Variants in FAM53B observed in about 807,000 individuals in gnomAD.
The protein encoded by FAM53B is family with sequence similarity 53 member B.
A neutral mutation model predicts 32.7 loss-of-function variants in FAM53B; 12 were observed. The ratio of observed to expected loss-of-function variants is 0.37; its 90% CI spans 0.24 to 0.59. FAM53B has a LOEUF of 0.59. Among genes scored for constraint, FAM53B ranks in the 20% least tolerant of loss-of-function variants. The pLI is 0.72. For missense variants in FAM53B, 477 were observed against 577.7 expected (o/e 0.83, Z 1.79); for synonymous variants, 234 against 228.7 (o/e 1.02, Z -0.21).
At chr10:124,718,817 G>A (rs555889129) in intron 1 of FAM53B, among the ~76,000 whole-genome samples, 10 of 152,354 alleles carry the variant, frequency 6.6e-5, no homozygotes, top group South Asian at 2.1e-4. Flanking sequence ...GCAGGCTGAC[G>A]CAGGTGAAAT....
intron 3 of FAM53B, among the ~76,000 whole-genome samples, chr10:124,689,142 AG>A (rs2134073297): frequency 6.6e-6 from 1 of 152,322 alleles, no homozygotes; most frequent in Admixed American, 6.5e-5. Context: ...ACTTGGCCTC[AG>A]GGCCACAAAG....
chr10:124,634,534 C>CT, intron 4 of FAM53B, among the ~76,000 whole-genome samples: 1 of 152,190 alleles, frequency 6.6e-6, no homozygotes, highest in Non-Finnish European at 1.5e-5. Flanking sequence ...TTATAAGGGG[C>CT]TTTGTTCAGC....
chr10:124,736,986 G>A (rs1022596905), intron 1 of FAM53B, among the ~76,000 whole-genome samples: 6 of 152,214 alleles, frequency 3.9e-5, no homozygotes, highest in Non-Finnish European at 7.3e-5. Flanking sequence ...ACAGGGCTGA[G>A]GTCAGCTGGG....
At chr10:124,716,810 G>T (rs1197190368) in intron 1 of FAM53B, among the ~76,000 whole-genome samples, 1 of 151,996 alleles carries the variant, frequency 6.6e-6, no homozygotes, top group Non-Finnish European at 1.5e-5. Flanking sequence ...CACACTTACC[G>T]AGTGGCCACA....
intron 4 of FAM53B, among the ~76,000 whole-genome samples, chr10:124,652,128 A>C (rs1949560120): frequency 6.6e-6 from 1 of 152,088 alleles, no homozygotes; most frequent in Admixed American, 6.5e-5. Context: ...CCTCTCTTCC[A>C]CTTGGGTCCC....
At chr10:124,674,700 C>T (rs1473156265) in intron 4 of FAM53B, among the ~76,000 whole-genome samples, 1 of 152,260 alleles carries the variant, frequency 6.6e-6, no homozygotes, top group African/African-American at 2.4e-5. Flanking sequence ...ACCCACAAGC[C>T]TTTCTTACTC....
At chr10:124,665,682 G>A (rs553320129) in intron 4 of FAM53B, among the ~76,000 whole-genome samples, 2 of 152,308 alleles carry the variant, frequency 1.3e-5, no homozygotes, top group East Asian at 3.9e-4. Context: ...TGGTCACGTG[G>A]GCCGGTGATA....
chr10:124,644,601 GC>G, intron 4 of FAM53B, among the ~76,000 whole-genome samples: 1 of 152,258 alleles, frequency 6.6e-6, no homozygotes, highest in Non-Finnish European at 1.5e-5. Context: ...GGCAGGAACA[GC>G]TCAGAAATGT....
intron 3 of FAM53B, among the ~76,000 whole-genome samples, chr10:124,689,876 C>T (rs938009796): frequency 6.6e-6 from 1 of 152,266 alleles, no homozygotes; most frequent in Non-Finnish European, 1.5e-5. Flanking sequence ...AGACTAGGGT[C>T]TTGTGACAGC....
intron 4 of FAM53B, among the ~76,000 whole-genome samples, chr10:124,659,466 T>C (rs10901798): frequency 0.091 from 13,788 of 152,320 alleles, 905 homozygotes; most frequent in Non-Finnish European, 0.13. Flanking sequence ...AACACATTTC[T>C]GGGTCCCCAA....
At chr10:124,714,247 A>G (rs1950024509) in intron 1 of FAM53B, 2 of 152,118 alleles carry the variant, frequency 1.3e-5, no homozygotes, top group Non-Finnish European at 2.9e-5. Context: ...AAGCTGCCTA[A>G]GAACTTTATC....
intron 1 of FAM53B, among the ~76,000 whole-genome samples, chr10:124,734,192 G>T (rs1241349383): frequency 6.6e-6 from 1 of 152,206 alleles, no homozygotes; most frequent in Non-Finnish European, 1.5e-5. Flanking sequence ...CTAGCACATA[G>T]TAGAACCTCA....
chr10:124,669,028 C>A (rs1025276553), intron 4 of FAM53B, among the ~76,000 whole-genome samples: 2 of 152,212 alleles, frequency 1.3e-5, no homozygotes, highest in Non-Finnish European at 2.9e-5. Flanking sequence ...AGGCCCCTGG[C>A]CTGGGGAAAG....
chr10:124,654,005 C>G lies in FAM53B; in HGVS notation c.906+27602G>C, dbSNP rs147136570. ...ATCAGCACCCTTCCTGGGCTGAAGTCTGCCAGGTTGCTGAGGACGCAGGGA... is the reference window on the plus strand; with the variant it reads ...ATCAGCACCCTTCCTGGGCTGAAGTGTGCCAGGTTGCTGAGGACGCAGGGA... On this transcript the variant is annotated intron_variant, in intron 4 of 4. Coordinates refer to ENST00000337318, the MANE Select transcript of FAM53B (RefSeq NM_014661.4). Among the ~76,000 whole-genome samples, 1,023 of 152,336 alleles carry G rather than the reference C, an allele frequency of 6.7e-3. 12 individuals are homozygous for G. Among genetic ancestry groups the G allele is most frequent in the African/African-American group, 0.023 (957 of 41,578 alleles).
chr10:124,676,048 C>T lies in FAM53B; in HGVS notation c.906+5559G>A, dbSNP rs1949734595. On this transcript the variant is annotated intron_variant, in intron 4 of 4. Coordinates refer to ENST00000337318, the MANE Select transcript of FAM53B (RefSeq NM_014661.4). Reference sequence around the variant, plus strand: ...GAGCACGGAAGGAGGAGTGCTAGTTCAGCATCCAAAGCTGCCCCCTTGACA... The same window carrying T: ...GAGCACGGAAGGAGGAGTGCTAGTTTAGCATCCAAAGCTGCCCCCTTGACA... 2.0e-5 allele frequency among the ~76,000 whole-genome samples: 3 copies of T among 152,210 alleles called. No individual in the cohort carries two copies. The South Asian group carries it at 6.2e-4, about 31-fold the overall frequency.
At chr10:124,710,101 G>A (rs1040120894) in intron 1 of FAM53B, among the ~76,000 whole-genome samples, 9 of 152,236 alleles carry the variant, frequency 5.9e-5, no homozygotes, top group Non-Finnish European at 1.0e-4. Flanking sequence ...AACGGTGAGC[G>A]TGCTGGTGGC....
At chr10:124,698,141 C>A (rs1264349693) in intron 2 of FAM53B, among the ~76,000 whole-genome samples, 5 of 152,174 alleles carry the variant, frequency 3.3e-5, no homozygotes, top group Non-Finnish European at 7.4e-5. Flanking sequence ...CAGCTCCCAG[C>A]ACTAAGGGAA....
At chr10:124,725,547 GCT>G (rs1564888973) in intron 1 of FAM53B, among the ~76,000 whole-genome samples, 1 of 152,234 alleles carries the variant, frequency 6.6e-6, no homozygotes, top group South Asian at 2.1e-4. Flanking sequence ...GTCCATGACA[GCT>G]CTGTCAGCTC....
At chr10:124,702,729 T>C (rs1206717108) in intron 2 of FAM53B, among the ~76,000 whole-genome samples, 1 of 152,208 alleles carries the variant, frequency 6.6e-6, no homozygotes, top group Non-Finnish European at 1.5e-5. Context: ...TACCTGGACC[T>C]CTGGGCATAC....
Sources: allele counts gnomAD v4.1 joint callset (sites outside exome capture counted in the v4.1 genomes callset), GRCh38; gene constraint gnomAD v4.1.1; transcripts MANE v1.5; gene names NCBI Gene and HGNC (gene_info 2026-07-23, HGNC 2026-07-21).